The following CAPN13 variants were observed in gnomAD, a reference collection of about 807,000 sequenced individuals.
CAPN13 encodes calpain 13.
CAPN13 carries 90 observed loss-of-function variants against 98.4 expected under a neutral mutation model. The ratio of observed to expected loss-of-function variants is 0.92; its 90% CI spans 0.77 to 1.09. The LOEUF (loss-of-function observed/expected upper bound fraction) is 1.09. CAPN13 is among the 50% of genes least tolerant of loss of function. CAPN13 has a pLI of 0.00. For missense variants in CAPN13, 887 were observed against 841.3 expected, an observed-to-expected ratio of 1.05 and a Z score of -0.67; for synonymous variants, 330 against 305.5, an observed-to-expected ratio of 1.08 and a Z score of -0.84.
At chr2:30,804,317 C>A (rs1216956106) in intron 1 of CAPN13, among the ~76,000 whole-genome samples, 1 of 152,172 alleles carries the variant, frequency 6.6e-6, no homozygotes, top group Non-Finnish European at 1.5e-5. Context: ...TCCCCTGCCT[C>A]AGCCTCCCAA....
At position 30,740,082 on chromosome 2, in the gene CAPN13, GTTTT is replaced by G. The variant is rs143581068; in HGVS notation, c.1537-1629_1537-1626del. Among the ~76,000 whole-genome samples, 137 of 121,430 alleles carry G rather than the reference GTTTT, an allele frequency of 1.1e-3. 6 individuals are homozygous for G. The highest frequency in any genetic ancestry group is 2.3e-3 in the African/African-American group (75 of 32,190). The allele number at this position is 121,430 out of a possible 152,430, so 79.7% of individuals were successfully genotyped here. On this transcript the variant is annotated intron_variant, in intron 15 of 22. Transcript: ENST00000295055. ...TGGTAGTATCAAGTCATTGTATTAGGTTTTTTTTTTTTTTTTTTTTTTTTTTTTT... is the reference window on the plus strand; with the variant it reads ...TGGTAGTATCAAGTCATTGTATTAGGTTTTTTTTTTTTTTTTTTTTTTTTT...
intron 4 of CAPN13, among the ~76,000 whole-genome samples, chr2:30,772,851 G>T (rs1466796961): frequency 6.8e-6 from 1 of 148,128 alleles, no homozygotes; most frequent in African/African-American, 2.5e-5. Context: ...ACGGAGTCTC[G>T]CCCTGTTGCC....
chr2:30,775,021 G>A (rs1417956287), intron 4 of CAPN13, among the ~76,000 whole-genome samples: 1 of 152,126 alleles, frequency 6.6e-6, no homozygotes, highest in Non-Finnish European at 1.5e-5. Context: ...ATGTGACAAA[G>A]CAAGAGAGCA....
At chr2:30,739,131 C>A (rs2609914) in intron 15 of CAPN13, among the ~76,000 whole-genome samples, 43,484 of 151,966 alleles carry the variant, frequency 0.29, 6,629 homozygotes, top group Non-Finnish European at 0.33. Flanking sequence ...ATACTGGGGG[C>A]ATCCAGCAGG....
At chr2:30,743,654 A>C in intron 12 of CAPN13, 75 bp from the exon 13 acceptor site, 1 of 1,287,208 alleles carries the variant, frequency 7.8e-7, no homozygotes, top group Non-Finnish European at 1.1e-6. Flanking sequence ...AGAAAGACCC[A>C]CCACCTTCTA....
chr2:30,791,856 T>A (rs888274137), intron 1 of CAPN13, among the ~76,000 whole-genome samples: 1 of 152,268 alleles, frequency 6.6e-6, no homozygotes, highest in Non-Finnish European at 1.5e-5. Flanking sequence ...TTTATTTATC[T>A]GACTCTAATC....
chr2:30,742,488 C>A, intron 13 of CAPN13, 129 bp from the exon 14 acceptor site: 1 of 976,710 alleles, frequency 1.0e-6, no homozygotes, highest in Non-Finnish European at 1.6e-6. Flanking sequence ...CTCAGCACCG[C>A]AGGACACGAA....
intron 22 of CAPN13, among the ~76,000 whole-genome samples, chr2:30,725,786 T>A (rs1339369286): frequency 6.6e-6 from 1 of 152,178 alleles, no homozygotes; most frequent in Non-Finnish European, 1.5e-5. Context: ...AGAGTTGAAG[T>A]GACCAGGACA....
intron 8 of CAPN13, among the ~76,000 whole-genome samples, chr2:30,755,976 C>T (rs1002685803): frequency 4.6e-5 from 7 of 152,012 alleles, no homozygotes; most frequent in African/African-American, 7.3e-5. Context: ...GGGAAGAAAT[C>T]GACCACCTGC....
At chr2:30,734,686 C>T (rs1671270298) in intron 18 of CAPN13, among the ~76,000 whole-genome samples, 162 bp from the exon 19 acceptor site, 1 of 152,208 alleles carries the variant, frequency 6.6e-6, no homozygotes, top group Non-Finnish European at 1.5e-5. Context: ...ACTGACCATC[C>T]TGGCTGCCCG....
intron 1 of CAPN13, among the ~76,000 whole-genome samples, chr2:30,796,224 GTATATA>G (rs537754339): frequency 1.9e-5 from 2 of 103,056 alleles, no homozygotes; most frequent in African/African-American, 7.1e-5. Flanking sequence ...ACATATATAT[GTATATA>G]TATATGTGTG....
At chr2:30,796,941 C>T (rs1437615890) in intron 1 of CAPN13, among the ~76,000 whole-genome samples, 1 of 152,162 alleles carries the variant, frequency 6.6e-6, no homozygotes, top group Non-Finnish European at 1.5e-5. Context: ...GTTTGAGTAA[C>T]ATAAGCATGC....
intron 18 of CAPN13, among the ~76,000 whole-genome samples, chr2:30,735,001 A>G (rs1003473466): frequency 6.6e-6 from 1 of 152,210 alleles, no homozygotes; most frequent in African/African-American, 2.4e-5. Flanking sequence ...CAGGGAGTAA[A>G]TGACTAAATA....
chr2:30,743,707 T>C (rs1488194881), intron 12 of CAPN13, 128 bp from the exon 13 acceptor site: 1 of 819,758 alleles, frequency 1.2e-6, no homozygotes, highest in Admixed American at 2.0e-5. Flanking sequence ...GCTCTATAAA[T>C]GGAGACAGTG....
intron 14 of CAPN13, 104 bp from the exon 15 acceptor site, chr2:30,742,068 CTT>C: frequency 9.0e-7 from 1 of 1,111,508 alleles, no homozygotes; most frequent in Non-Finnish European, 1.3e-6. Context: ...GAGAAAGAGT[CTT>C]TATTGGGCAG....
At chr2:30,757,871 T>C (rs1354727920) in intron 8 of CAPN13, among the ~76,000 whole-genome samples, 175 bp downstream of exon 8, 2 of 152,210 alleles carry the variant, frequency 1.3e-5, no homozygotes, top group East Asian at 1.9e-4. Context: ...CCATAGTTGC[T>C]TGGCGGATGG....
At position 30,745,646 on chromosome 2, in the gene CAPN13, T is replaced by C. The variant is rs1671869988; in HGVS notation, c.1248+77A>G. ...GCAGCCACTGAACACGTGGAGGCCA[T>C]GGGCGTTGGAAGTGGCCTAACACTC... On this transcript the variant is annotated intron_variant, in intron 12 of 22. Coordinates refer to ENST00000295055, the MANE Select transcript of CAPN13 (RefSeq NM_144575.3). The C allele has an allele frequency of 3.4e-6, 5 of 1,469,660 alleles. No homozygotes were observed. In the Admixed American group the frequency reaches 5.4e-5, roughly 16 times the overall value. 91.0% of individuals were successfully genotyped at this position (1,469,660 alleles called of 1,614,324 possible). A position where few individuals can be genotyped will look rare whatever the true frequency, so the allele number is the denominator to read the frequency against.
At chr2:30,746,634 C>G in intron 11 of CAPN13, 1 of 218,038 alleles carries the variant, frequency 4.6e-6, no homozygotes, top group Non-Finnish European at 9.4e-6. Flanking sequence ...GTCAAGATTT[C>G]CTCTGATAGT....
chr2:30,797,675 G>T (rs770017125), intron 1 of CAPN13, among the ~76,000 whole-genome samples: 16 of 152,182 alleles, frequency 1.1e-4, no homozygotes, highest in Non-Finnish European at 2.1e-4. Context: ...TGCACCAGCT[G>T]GTGGGCATAC....
Sources: gnomAD v4.1 joint callset for allele counts (sites outside exome capture counted in the v4.1 genomes callset) on GRCh38, gnomAD v4.1.1 for gene constraint, MANE v1.5 for transcripts, NCBI Gene and HGNC (gene_info 2026-07-23, HGNC 2026-07-21) for gene names.